CRTC1: variants seen among roughly 807,000 people sequenced by gnomAD.
CRTC1 encodes CREB-regulated transcription coactivator 1.
A neutral mutation model predicts 66.1 loss-of-function variants in CRTC1; 18 were observed. The observed-to-expected ratio is 0.27, with a 90% CI of 0.19 to 0.40. The LOEUF (loss-of-function observed/expected upper bound fraction) is 0.40, where lower values mean the gene tolerates loss of function less well. CRTC1 is among the 10% of genes least tolerant of loss of function. The pLI is 1.00. For missense variants in CRTC1, 669 were observed against 887.9 expected (o/e 0.75, Z 3.13); for synonymous variants, 416 against 398.8 (o/e 1.04, Z -0.51).
chr19:18,712,140 C>A (rs980109722), intron 1 of CRTC1, among the ~76,000 whole-genome samples: 1 of 152,056 alleles, frequency 6.6e-6, no homozygotes, highest in Admixed American at 6.6e-5. Flanking sequence ...ATGGGTCTCA[C>A]TATATTGCCC....
Position 18,781,000 on chromosome 19 carries a change from T to A in CRTC1, c.*3618T>A, listed in dbSNP as rs911402656. ...AGCCCTCCGACCAGGGAGAGGCTGG[T>A]GGAGTAAGGTCCAGCGGTATTCGGG... On this transcript the variant is annotated 3_prime_UTR_variant, in exon 14 of 14. Coordinates refer to ENST00000321949, the MANE Select transcript of CRTC1 (RefSeq NM_015321.3). 4.4e-6 allele frequency: 1 copy of A among 225,296 alleles called. No homozygotes were observed. Among genetic ancestry groups the A allele is most frequent in the African/African-American group, 2.2e-5 (1 of 44,784 alleles). The allele number at this position is 225,296 out of a possible 1,614,324, so 14.0% of individuals were successfully genotyped here.
chr19:18,764,358 C>T (rs905916912), intron 8 of CRTC1, among the ~76,000 whole-genome samples: 1 of 152,230 alleles, frequency 6.6e-6, no homozygotes, highest in Non-Finnish European at 1.5e-5. Context: ...CTGTTATCGT[C>T]GCCATCTCAC....
At chr19:18,756,588 T>G (rs1372308724) in intron 6 of CRTC1, among the ~76,000 whole-genome samples, 1 of 150,276 alleles carries the variant, frequency 6.7e-6, no homozygotes, top group East Asian at 2.0e-4. Context: ...AAGTCCAGCC[T>G]GGGCAACAGA....
At chr19:18,708,812 G>A (rs959249631) in intron 1 of CRTC1, among the ~76,000 whole-genome samples, 5 of 152,182 alleles carry the variant, frequency 3.3e-5, no homozygotes, top group Admixed American at 2.0e-4. Flanking sequence ...CCAGCTGAGC[G>A]GTGCCCAGAA....
At chr19:18,704,002 G>A (rs1451799251) in intron 1 of CRTC1, among the ~76,000 whole-genome samples, 1 of 152,250 alleles carries the variant, frequency 6.6e-6, no homozygotes, top group African/African-American at 2.4e-5. Context: ...AGGAGAGCTG[G>A]TCAGGTGTTT....
intron 1 of CRTC1, among the ~76,000 whole-genome samples, chr19:18,691,318 C>G (rs924542705): frequency 6.6e-6 from 1 of 151,760 alleles, no homozygotes. Context: ...GAGTTTGAGA[C>G]CAGCCTGGGC....
At chr19:18,729,295 G>T (rs928912495) in intron 1 of CRTC1, among the ~76,000 whole-genome samples, 2 of 151,206 alleles carry the variant, frequency 1.3e-5, no homozygotes, top group African/African-American at 4.8e-5. Flanking sequence ...GCGTGGCGGC[G>T]GGCACCTGTA....
In CRTC1 at chr19:18,768,767, C is replaced by T. The variant is rs769213214; in HGVS notation, c.1294C>T (p.Pro432Ser). Residue 432 changes from proline to serine, a missense_variant, in exon 10 of 14, where the codon CCA becomes TCA. Pro to Ser is a moderately conservative substitution (Grantham distance 74). Around this residue, in one of 8 missense-constraint regions of CRTC1, gnomAD observed 241 missense variants for 242.2 expected, o/e 0.99. Coordinates refer to ENST00000321949, the MANE Select transcript of CRTC1 (RefSeq NM_015321.3). The surrounding 1 kb of genome is among the most constrained non-coding windows in gnomAD (Gnocchi z 5.6). ...PQSPPENPGQ[P>S]SMGIDIASAP... ...GTCCCCCCCAGAGAACCCTGGCCAG[C>T]CATCGATGGGGATCGACATCGCCTC... is the stretch of plus-strand genomic sequence containing the variant. 2.8e-5 allele frequency: 45 copies of T among 1,602,660 alleles called. No individual in the cohort carries two copies. In the South Asian group the frequency reaches 4.7e-4, roughly 17 times the overall value.
Position 18,777,231 on chromosome 19 carries a change from G to T in CRTC1, c.1754G>T (p.Gly585Val). The T allele has an allele frequency of 1.9e-6, 3 of 1,611,112 alleles. No homozygotes were observed. Among genetic ancestry groups the T allele is most frequent in the Non-Finnish European group, 2.5e-6 (3 of 1,179,824 alleles). Residue 585 changes from glycine (G) to valine (V), a missense_variant, in exon 14 of 14, where the codon GGC (glycine) becomes GTC (valine). By Grantham distance (109) the Gly-to-Val change is moderately radical. This residue lies in a region of CRTC1 where 91 missense variants were observed against 99.1 expected (regional missense o/e 0.92). Transcript: ENST00000321949. This position sits in a 1 kb window ranked among gnomAD's most constrained non-coding sequence, Gnocchi z 5.5. Reference sequence around the variant, plus strand: ...CTGACCAGCTCTCTGGCCGGGGTCGGCGACGTCAGCTTCGACTCCGACAGC... The same window carrying T: ...CTGACCAGCTCTCTGGCCGGGGTCGTCGACGTCAGCTTCGACTCCGACAGC... ...KELTSSLAGVGDVSFDSDSQF... is the reference protein window; with the variant it reads ...KELTSSLAGVVDVSFDSDSQF...
intron 1 of CRTC1, among the ~76,000 whole-genome samples, chr19:18,729,277 T>A (rs1419061548): frequency 2.0e-5 from 3 of 150,556 alleles, no homozygotes; most frequent in African/African-American, 7.3e-5. Context: ...TACAAAAAAA[T>A]TAGCCGGGCG....
intron 1 of CRTC1, among the ~76,000 whole-genome samples, chr19:18,711,263 G>C (rs1413823869): frequency 6.6e-6 from 1 of 152,114 alleles, no homozygotes; most frequent in South Asian, 2.1e-4. Flanking sequence ...CCTTGGGTCA[G>C]CTCAGCCCAC....
At chr19:18,706,297 C>T (rs1327987727) in intron 1 of CRTC1, among the ~76,000 whole-genome samples, 4 of 140,764 alleles carry the variant, frequency 2.8e-5, no homozygotes, top group South Asian at 4.6e-4. Context: ...CTCCTCCTCC[C>T]GGGTTCAAAG....
chr19:18,713,164 C>T (rs764501720), intron 1 of CRTC1, among the ~76,000 whole-genome samples: 117 of 152,212 alleles, frequency 7.7e-4, no homozygotes, highest in African/African-American at 1.1e-3. Flanking sequence ...TCTTCCACGT[C>T]GTAGCATGGA....
At position 18,780,113 on chromosome 19, in the gene CRTC1, C is replaced by T. The variant is rs374804833; in HGVS notation, c.*2731C>T. ...GTGAAAATACTGTGATTTGACGAGC[C>T]GCTTCCTGAGGGGCAGGCCCACGTG... is the stretch of plus-strand genomic sequence containing the variant. On this transcript the variant is annotated 3_prime_UTR_variant, in exon 14 of 14. Coordinates refer to ENST00000321949, the MANE Select transcript of CRTC1 (RefSeq NM_015321.3). The T allele has an allele frequency of 3.9e-5, 9 of 232,028 alleles. No homozygotes were observed. Among genetic ancestry groups the T allele is most frequent in the African/African-American group, 1.5e-4 (7 of 45,252 alleles). 14.4% of individuals were successfully genotyped at this position (232,028 alleles called of 1,614,324 possible). A position where few individuals can be genotyped will look rare whatever the true frequency, so the allele number is the denominator to read the frequency against.
chr19:18,737,984 C>T (rs902991363), intron 1 of CRTC1, among the ~76,000 whole-genome samples: 3 of 152,044 alleles, frequency 2.0e-5, no homozygotes, highest in Non-Finnish European at 4.4e-5. Flanking sequence ...AGTGAGGCTT[C>T]CAGTCAACAG....
intron 1 of CRTC1, among the ~76,000 whole-genome samples, chr19:18,710,213 C>T (rs568926628): frequency 3.2e-4 from 48 of 152,310 alleles, no homozygotes; most frequent in African/African-American, 1.2e-3. Flanking sequence ...ACTCGGAAGT[C>T]TCCCACTTCC....
At chr19:18,746,917 C>A in intron 3 of CRTC1, 136 bp from the exon 4 acceptor site, 1 of 720,750 alleles carries the variant, frequency 1.4e-6, no homozygotes, top group East Asian at 2.5e-5. Context: ...AAACGCCCCC[C>A]GCCCTACTGG....
intron 1 of CRTC1, among the ~76,000 whole-genome samples, chr19:18,717,498 T>A (rs1188419262): frequency 6.6e-6 from 1 of 152,094 alleles, no homozygotes; most frequent in Admixed American, 6.5e-5. Context: ...CCCCAAACAC[T>A]GTCCCCTCAG....
At chr19:18,756,745 G>A (rs1050318047) in intron 6 of CRTC1, among the ~76,000 whole-genome samples, 3 of 152,176 alleles carry the variant, frequency 2.0e-5, no homozygotes, top group African/African-American at 4.8e-5. Flanking sequence ...GGAAGATGGC[G>A]ACAGTCACCT....
Sources: gnomAD v4.1 joint callset for allele counts (sites outside exome capture counted in the v4.1 genomes callset) on GRCh38, gnomAD v4.1.1 for gene constraint, gnomAD v4.1.1 regional missense constraint, Gnocchi (gnomAD v3.1) non-coding constraint, MANE v1.5 for transcripts, NCBI Gene and HGNC (gene_info 2026-07-23, HGNC 2026-07-21) for gene names.